The following DCAF8L2 variants were observed in gnomAD, a reference collection of about 807,000 sequenced individuals.
DCAF8L2 encodes the protein DDB1 and CUL4 associated factor 8 like 2, also known as DDB1- and CUL4-associated factor 8-like protein 2.
For synonymous variants in DCAF8L2, 200 were observed against 190.9 expected (o/e 1.05, Z -0.39); for missense variants, 430 against 490.7 (o/e 0.88, Z 1.17).
chrX:27,621,646 A>G (rs1445380648), intron 1 of DCAF8L2, among the ~76,000 whole-genome samples: 3 of 111,373 alleles, frequency 2.7e-5, no homozygotes. Flanking sequence ...CCACACCCAT[A>G]CAGCGTGTAT....
At chrX:27,641,394 GTCT>G (rs1241916643) in intron 2 of DCAF8L2, among the ~76,000 whole-genome samples, 2 of 107,251 alleles carry the variant, frequency 1.9e-5, no homozygotes, top group African/African-American at 3.4e-5. Flanking sequence ...TTGCTCCACT[GTCT>G]TCTTATTTGA....
Position 27,747,700 on chromosome X carries a change from G to T in DCAF8L2, c.805G>T (p.Gly269Cys). 1.1e-5 allele frequency: 13 copies of T among 1,210,811 alleles called. No individual in the cohort carries two copies. Among genetic ancestry groups the T allele is most frequent in the Non-Finnish European group, 1.5e-5 (13 of 894,912 alleles). The change falls in exon 5 of 5, where the codon GGT becomes TGT. Residue 269 changes from glycine (G) to cysteine (C), a missense_variant. Physicochemically the swap from Gly to Cys is radical, Grantham distance 159. Coordinates refer to ENST00000451261, the MANE Select transcript of DCAF8L2 (RefSeq NM_001353450.2). ...GAGGCCAGTACTGAACTTTGAAAGT[G>T]GTCACACAAATAATGTCTTCCAGGC... is the stretch of plus-strand genomic sequence containing the variant. The part of the protein sequence containing the change: ...RQRPVLNFES[G>C]HTNNVFQAKF...
chrX:27,638,719 G>A (rs1283235255), intron 2 of DCAF8L2, among the ~76,000 whole-genome samples: 1 of 111,858 alleles, frequency 8.9e-6, no homozygotes, highest in Non-Finnish European at 1.9e-5. Context: ...GTCAAGAACA[G>A]CCCAATCATT....
In DCAF8L2 at chrX:27,616,343, T is replaced by C. The variant is rs753710273; in HGVS notation, c.-341-15536T>C. 1.2e-3 allele frequency among the ~76,000 whole-genome samples: 135 copies of C among 110,744 alleles called. 4 individuals carry two copies. The highest frequency in any genetic ancestry group is 4.8e-4 in the Admixed American group (5 of 10,319). ...ATTAAGTTTTTTGACTTCCAAAATA[T>C]CGACCATCAGTCATAATGTTATTAT... On this transcript the variant is annotated intron_variant, in intron 1 of 4. Coordinates refer to ENST00000451261, the MANE Select transcript of DCAF8L2 (RefSeq NM_001353450.2).
chrX:27,593,119 C>T (rs1157815540), intron 1 of DCAF8L2, among the ~76,000 whole-genome samples: 2 of 111,797 alleles, frequency 1.8e-5, no homozygotes, highest in Admixed American at 1.9e-4. Flanking sequence ...TTTTTAAGCG[C>T]ATAGTTCAGT....
the DCAF8L2 span, among the ~76,000 whole-genome samples, chrX:27,508,044 A>G: frequency 1.8e-5 from 2 of 111,878 alleles, no homozygotes; most frequent in Non-Finnish European, 3.8e-5. Flanking sequence ...TATACATTCA[A>G]AATAACTTTA....
intron 1 of DCAF8L2, among the ~76,000 whole-genome samples, chrX:27,598,503 A>G (rs1047353522): frequency 4.4e-5 from 5 of 112,429 alleles, no homozygotes; most frequent in Admixed American, 9.4e-5. Flanking sequence ...CCGGGCTGTA[A>G]AGTCACAAGG....
chrX:27,668,774 G>C (rs1041435069), intron 2 of DCAF8L2, among the ~76,000 whole-genome samples: 1 of 111,163 alleles, frequency 9.0e-6, no homozygotes, highest in African/African-American at 3.3e-5. Flanking sequence ...CCAACATGGC[G>C]AAACCCCGTC....
the DCAF8L2 span, among the ~76,000 whole-genome samples, chrX:27,543,617 C>T: frequency 8.1e-5 from 9 of 111,483 alleles, no homozygotes; most frequent in African/African-American, 2.9e-4. Context: ...AACCTAAAGT[C>T]AAACAGGGTA....
the DCAF8L2 span, among the ~76,000 whole-genome samples, chrX:27,536,122 C>G: frequency 8.9e-6 from 1 of 111,977 alleles, no homozygotes; most frequent in Non-Finnish European, 1.9e-5. Context: ...TAGACTATTA[C>G]CTTCTATAAA....
At chrX:27,561,246 C>G in the DCAF8L2 span, among the ~76,000 whole-genome samples, 16 of 111,394 alleles carry the variant, frequency 1.4e-4, no homozygotes, top group Non-Finnish European at 2.3e-4. Context: ...GCTTCTTTCT[C>G]TACTCTCAAA....
chrX:27,525,024 G>A, the DCAF8L2 span, among the ~76,000 whole-genome samples: 4 of 112,110 alleles, frequency 3.6e-5, no homozygotes, highest in Non-Finnish European at 5.6e-5. Flanking sequence ...GGGGTGGAGA[G>A]TTCTGTAGAT....
the DCAF8L2 span, among the ~76,000 whole-genome samples, chrX:27,479,702 G>A: frequency 8.0e-5 from 9 of 112,097 alleles, no homozygotes; most frequent in African/African-American, 2.9e-4. Context: ...TGATGGACAA[G>A]TAATTTTCCT....
chrX:27,691,896 G>A (rs1930726687), intron 3 of DCAF8L2, among the ~76,000 whole-genome samples: 1 of 111,912 alleles, frequency 8.9e-6, no homozygotes, highest in Non-Finnish European at 1.9e-5. Context: ...GATTAAAAAT[G>A]TGAAGATGTC....
At chrX:27,495,319 A>C in the DCAF8L2 span, among the ~76,000 whole-genome samples, 1 of 111,639 alleles carries the variant, frequency 9.0e-6, no homozygotes, top group African/African-American at 3.2e-5. Flanking sequence ...CCTTTGTACT[A>C]AGTTTTGAAA....
intron 1 of DCAF8L2, among the ~76,000 whole-genome samples, chrX:27,618,105 A>T (rs913576219): frequency 8.9e-6 from 1 of 112,048 alleles, no homozygotes; most frequent in African/African-American, 3.2e-5. Flanking sequence ...AGAAAACTCA[A>T]TAAAATATGC....
chrX:27,575,519 C>T, the DCAF8L2 span, among the ~76,000 whole-genome samples: 47 of 111,695 alleles, frequency 4.2e-4, no homozygotes, highest in Non-Finnish European at 6.0e-4. Context: ...AAAGGGACCA[C>T]ACTCTTCCCT....
intron 3 of DCAF8L2, among the ~76,000 whole-genome samples, chrX:27,713,175 AG>A (rs1931586377): frequency 8.9e-6 from 1 of 111,805 alleles, no homozygotes. Context: ...ACAAAGTCTG[AG>A]GACTGAAAGG....
chrX:27,631,769 C>T (rs1171331147), intron 1 of DCAF8L2, 110 bp from the exon 2 acceptor site: 1 of 112,083 alleles, frequency 8.9e-6, no homozygotes, highest in Non-Finnish European at 1.9e-5. Flanking sequence ...TCAAATTTCC[C>T]AAATATTCAT....
Sources: gnomAD v4.1 joint callset for allele counts (sites outside exome capture counted in the v4.1 genomes callset) on GRCh38, gnomAD v4.1.1 for gene constraint, MANE v1.5 for transcripts, NCBI Gene and HGNC (gene_info 2026-07-23, HGNC 2026-07-21) for gene names.